Variants in DPYSL2 observed in about 807,000 individuals in gnomAD.
The protein encoded by DPYSL2 is dihydropyrimidinase-related protein 2.
In DPYSL2, 13 loss-of-function variants were observed where a neutral mutation model predicts 69.9. The ratio of observed to expected loss-of-function variants is 0.19; its 90% CI spans 0.12 to 0.30. The LOEUF (loss-of-function observed/expected upper bound fraction) is 0.30. Among genes scored for constraint, DPYSL2 ranks in the 10% least tolerant of loss-of-function variants. DPYSL2 has a pLI of 1.00. For missense variants in DPYSL2, 587 were observed against 918.9 expected (o/e 0.64, Z 4.67); for synonymous variants, 326 against 359.1 (o/e 0.91, Z 1.04).
chr8:26,643,123 G>A lies in DPYSL2; in HGVS notation c.1127-316G>A, dbSNP rs1264030270. The A allele has an allele frequency of 1.8e-5, 5 of 276,004 alleles. No individual in the cohort carries two copies. The East Asian group carries it at 3.3e-4, about 18-fold the overall frequency. 17.1% of individuals were successfully genotyped at this position (276,004 alleles called of 1,614,324 possible). On this transcript the variant is annotated intron_variant, in intron 8 of 13. Coordinates refer to ENST00000521913, the MANE Select transcript of DPYSL2 (RefSeq NM_001197293.3). The surrounding 1 kb of genome is among the most constrained non-coding windows in gnomAD (Gnocchi z 6.5). Reference sequence around the variant, plus strand: ...GGGACCGGATGCCTGGACACCATCCGAGCAGGAGATTAATGGAATTGAAAA... The same window carrying A: ...GGGACCGGATGCCTGGACACCATCCAAGCAGGAGATTAATGGAATTGAAAA...
chr8:26,578,416 C>G, intron 1 of DPYSL2: 1 of 1,555,910 alleles, frequency 6.4e-7, no homozygotes, highest in Non-Finnish European at 8.6e-7. Context: ...CTTTCTGTTG[C>G]TAACGGAGGC....
rs56385974 is a variant in DPYSL2 at position 26,579,954 on chromosome 8, G to GCCC, written c.355-2006_355-2004dup. On this transcript the variant is annotated intron_variant, in intron 1 of 13. Coordinates refer to ENST00000521913, the MANE Select transcript of DPYSL2 (RefSeq NM_001197293.3). Reference sequence around the variant, plus strand: ...TTTTTTTTTTTTTTTTTTAAAGAGCGCCCCCCCCCCCACACCCTTTAAAAA... The same window carrying GCCC: ...TTTTTTTTTTTTTTTTTTAAAGAGCGCCCCCCCCCCCCCCACACCCTTTAAAAA... Among the ~76,000 whole-genome samples, 110 of 122,544 alleles carry GCCC rather than the reference G, an allele frequency of 9.0e-4. 2 individuals are homozygous for GCCC. Among genetic ancestry groups the GCCC allele is most frequent in the Admixed American group, 1.2e-3 (14 of 11,914 alleles). 80.4% of individuals were successfully genotyped at this position (122,544 alleles called of 152,430 possible). A position where few individuals can be genotyped will look rare whatever the true frequency, so the allele number is the denominator to read the frequency against.
At position 26,643,718 on chromosome 8, in the gene DPYSL2, A is replaced by G; in HGVS notation, c.1283+123A>G. 1 of 1,432,702 alleles carries G rather than the reference A, an allele frequency of 7.0e-7. No homozygotes were observed. The highest frequency in any genetic ancestry group is 9.6e-7 in the Non-Finnish European group (1 of 1,039,000). 88.7% of individuals were successfully genotyped at this position (1,432,702 alleles called of 1,614,324 possible). On this transcript the variant is annotated intron_variant, in intron 9 of 13. Transcript: ENST00000521913. The surrounding 1 kb of genome is among the most constrained non-coding windows in gnomAD (Gnocchi z 6.5). ...AAAACTGGGAGACCCTTGTTCACCA[A>G]ACTAGGTTGGCTACATGAGTACAGG...
At chr8:26,568,528 T>C (rs1801187357) in intron 1 of DPYSL2, among the ~76,000 whole-genome samples, 1 of 152,156 alleles carries the variant, frequency 6.6e-6, no homozygotes, top group Non-Finnish European at 1.5e-5. Context: ...GTCAGAATTT[T>C]GTTAAATCTT....
rs1808309478 is a variant in DPYSL2, at chr8:26,517,344, A to T, written c.354+2665A>T. ...ATATTCAGAGTATGAGCCAGACAGC[A>T]CCAGAAAGCGATGGGTGTGGCTTGA... On this transcript the variant is annotated intron_variant, in intron 1 of 13. Transcript: ENST00000521913. The surrounding 1 kb of genome is among the most constrained non-coding windows in gnomAD (Gnocchi z 4.2). Among the ~76,000 whole-genome samples the T allele has an allele frequency of 6.6e-6, 1 of 152,206 alleles. No individual in the cohort carries two copies. The highest frequency in any genetic ancestry group is 2.1e-4 in the South Asian group (1 of 4,832).
rs925525009 is a variant in DPYSL2, at chr8:26,650,497, G to A, written c.1597-1760G>A. ...GTATTGTCATCTTCACATACACCTC[G>A]GGAGGGTGCAGATGAAGAAACTGAA... On this transcript the variant is annotated intron_variant, in intron 11 of 13. Transcript: ENST00000521913. This position sits in a 1 kb window ranked among gnomAD's most constrained non-coding sequence, Gnocchi z 5.3. 6.6e-5 allele frequency among the ~76,000 whole-genome samples: 10 copies of A among 152,170 alleles called. No individual in the cohort carries two copies. The highest frequency in any genetic ancestry group is 1.9e-4 in the African/African-American group (8 of 41,420).
At chr8:26,528,677 GA>G (rs1051304892) in intron 1 of DPYSL2, among the ~76,000 whole-genome samples, 4 of 150,870 alleles carry the variant, frequency 2.7e-5, no homozygotes, top group East Asian at 1.9e-4. Flanking sequence ...AAAAGAAAAA[GA>G]AAAAAAAGAA....
Position 26,588,967 on chromosome 8 carries a change from G to A in DPYSL2, c.628+4984G>A, listed in dbSNP as rs1281142177. Among the ~76,000 whole-genome samples, 1 of 152,088 alleles carries A rather than the reference G, an allele frequency of 6.6e-6. No homozygotes were observed. The highest frequency in any genetic ancestry group is 2.1e-4 in the South Asian group (1 of 4,828). Reference sequence around the variant, plus strand: ...CTTTTGTCACCTCTTCCTGGATTTTGGCCCTGTCCTCTGAGGAGTCTTACT... The same window carrying A: ...CTTTTGTCACCTCTTCCTGGATTTTAGCCCTGTCCTCTGAGGAGTCTTACT... On this transcript the variant is annotated intron_variant, in intron 3 of 13. Coordinates refer to ENST00000521913, the MANE Select transcript of DPYSL2 (RefSeq NM_001197293.3). The surrounding 1 kb of genome is among the most constrained non-coding windows in gnomAD (Gnocchi z 5.4).
rs1158133432 is a variant in DPYSL2 at position 26,593,619 on chromosome 8, A to G, written c.628+9636A>G. ...GTCACCAGAAAGAGCCTCCTCCTTC[A>G]GTTGCTGTCCTTGGTGTTCGGGAAG... is the stretch of plus-strand genomic sequence containing the variant. On this transcript the variant is annotated intron_variant, in intron 3 of 13. Coordinates refer to ENST00000521913, the MANE Select transcript of DPYSL2 (RefSeq NM_001197293.3). The surrounding 1 kb of genome is among the most constrained non-coding windows in gnomAD (Gnocchi z 5.7). 1.3e-5 allele frequency among the ~76,000 whole-genome samples: 2 copies of G among 152,148 alleles called. No individual in the cohort carries two copies. Among genetic ancestry groups the G allele is most frequent in the East Asian group, 3.9e-4 (2 of 5,192 alleles).
chr8:26,527,315 T>A (rs1363428086), intron 1 of DPYSL2, among the ~76,000 whole-genome samples: 1 of 152,246 alleles, frequency 6.6e-6, no homozygotes, highest in Non-Finnish European at 1.5e-5. Context: ...TTTAGAGATA[T>A]CTTCCTACCC....
chr8:26,590,807 A>G (rs1220087484), intron 3 of DPYSL2, among the ~76,000 whole-genome samples: 2 of 152,264 alleles, frequency 1.3e-5, no homozygotes, highest in African/African-American at 4.8e-5. Flanking sequence ...GAGCATCCTC[A>G]GAGACAGCAC....
chr8:26,618,288 A>G (rs1193690080), intron 3 of DPYSL2, among the ~76,000 whole-genome samples: 1 of 149,340 alleles, frequency 6.7e-6, no homozygotes, highest in African/African-American at 2.5e-5. Flanking sequence ...AACTTTTTGC[A>G]GCCCTGCATG....
Position 26,643,863 on chromosome 8 carries a change from G to A in DPYSL2, c.1284-87G>A, listed in dbSNP as rs1014428489. On this transcript the variant is annotated intron_variant, in intron 9 of 13. Coordinates refer to ENST00000521913, the MANE Select transcript of DPYSL2 (RefSeq NM_001197293.3). This position sits in a 1 kb window ranked among gnomAD's most constrained non-coding sequence, Gnocchi z 6.5. ...AGGACTCCACTTGGGTTGGTGTGAT[G>A]CCATTCATGAGACAGCCCACCAAAT... 3 of 1,505,206 alleles carry A rather than the reference G, an allele frequency of 2.0e-6. No individual in the cohort carries two copies. In the East Asian group the frequency reaches 7.1e-5, roughly 36 times the overall value. The allele number at this position is 1,505,206 out of a possible 1,614,324, so 93.2% of individuals were successfully genotyped here.
At chr8:26,622,135 TTCCTTCCTTCCTTCCTTCCTTCC>T (rs1802499749) in intron 3 of DPYSL2, among the ~76,000 whole-genome samples, 2 of 54,158 alleles carry the variant, frequency 3.7e-5, no homozygotes, top group Admixed American at 1.7e-4. Context: ...CCTTCCTTCC[TTCCTTCCTTCCTTCCTTCCTTCC>T]CTCTCTCTCT....
chr8:26,546,837 C>T lies in DPYSL2; in HGVS notation c.354+32158C>T, dbSNP rs139649046. ...TCAGGAGGCTGAGGCAGGCGAATGG[C>T]GTGAACCCGAGAGGCGGAGCTTGCA... On this transcript the variant is annotated intron_variant, in intron 1 of 13. Coordinates refer to ENST00000521913, the MANE Select transcript of DPYSL2 (RefSeq NM_001197293.3). Among the ~76,000 whole-genome samples the T allele has an allele frequency of 7.2e-3, 944 of 131,380 alleles. 9 individuals are homozygous for T. The highest frequency in any genetic ancestry group is 0.025 in the African/African-American group (890 of 35,280). 86.2% of individuals were successfully genotyped at this position (131,380 alleles called of 152,430 possible). A position where few individuals can be genotyped will look rare whatever the true frequency, so the allele number is the denominator to read the frequency against.
intron 3 of DPYSL2, among the ~76,000 whole-genome samples, chr8:26,607,895 C>G (rs989124828): frequency 1.3e-5 from 2 of 151,784 alleles, no homozygotes; most frequent in African/African-American, 4.8e-5. Flanking sequence ...CTGGCTAACA[C>G]GGTGAAACCC....
At chr8:26,631,716 T>A (rs1195456648) in intron 7 of DPYSL2, among the ~76,000 whole-genome samples, 1 of 152,066 alleles carries the variant, frequency 6.6e-6, no homozygotes, top group East Asian at 1.9e-4. Context: ...GCCCCTCTTG[T>A]ATGCCAGGCC....
intron 1 of DPYSL2, among the ~76,000 whole-genome samples, chr8:26,567,179 TCCAC>T (rs748055057): frequency 7.6e-6 from 1 of 131,212 alleles, no homozygotes; most frequent in Non-Finnish European, 1.7e-5. Flanking sequence ...CATCCATCCA[TCCAC>T]CCATCCATCC....
chr8:26,606,096 A>G (rs984398940), intron 3 of DPYSL2, among the ~76,000 whole-genome samples: 12 of 152,234 alleles, frequency 7.9e-5, no homozygotes, highest in African/African-American at 2.7e-4. Flanking sequence ...TACTAGCTCC[A>G]GAAGAGACAG....
Sources: allele counts gnomAD v4.1 joint callset (sites outside exome capture counted in the v4.1 genomes callset), GRCh38; gene constraint gnomAD v4.1.1; non-coding constraint Gnocchi (gnomAD v3.1); transcripts MANE v1.5; gene names NCBI Gene and HGNC (gene_info 2026-07-23, HGNC 2026-07-21).